Variants in PRKAR1A observed in about 807,000 individuals in gnomAD.
PRKAR1A encodes the protein cAMP-dependent protein kinase type I-alpha regulatory subunit.
A neutral mutation model predicts 52.0 loss-of-function variants in PRKAR1A; 3 were observed. That is an observed-to-expected ratio of 0.06 (90% CI 0.03 to 0.15). The LOEUF (loss-of-function observed/expected upper bound fraction) is 0.15. PRKAR1A is among the 10% of genes least tolerant of loss of function. PRKAR1A has a pLI of 1.00. For synonymous variants in PRKAR1A, 188 were observed against 168.4 expected (o/e 1.12, Z -0.90); for missense variants, 240 against 477.4 (o/e 0.50, Z 4.63).
upstream of PRKAR1A, among the ~76,000 whole-genome samples, chr17:68,508,898 A>G (rs541255534): frequency 1.2e-4 from 18 of 152,146 alleles, 1 homozygote; most frequent in Non-Finnish European, 2.5e-4. Flanking sequence ...GTTTGCTGGA[A>G]TTAGTTATGT....
downstream of PRKAR1A, chr17:68,535,517 G>A: frequency 2.2e-6 from 1 of 454,028 alleles, no homozygotes; most frequent in Non-Finnish European, 4.4e-6. Flanking sequence ...TTCTGTGTGT[G>A]ATCTCCTGGT....
At chr17:68,475,464 T>C in the PRKAR1A span, among the ~76,000 whole-genome samples, 2 of 152,212 alleles carry the variant, frequency 1.3e-5, no homozygotes, top group Non-Finnish European at 1.5e-5. Flanking sequence ...ATTTTGTTTT[T>C]ATTCATTATT....
At position 68,530,393 on chromosome 17, in the gene PRKAR1A, G is replaced by T. The variant is rs751660273; in HGVS notation, c.1090G>T (p.Asp364Tyr). ...RFERVLGPCS[D>Y]ILKRNIQQYN... ...TGAACGTGTTCTTGGCCCATGCTCAGACATCCTCAAACGAAACATCCAGCA... is the reference window on the plus strand; with the variant it reads ...TGAACGTGTTCTTGGCCCATGCTCATACATCCTCAAACGAAACATCCAGCA... Residue 364 changes from aspartate (D) to tyrosine (Y), a missense_variant, in exon 11 of 11, where the codon GAC (aspartate) becomes TAC (tyrosine). By Grantham distance (160) the Asp-to-Tyr change is radical. Transcript: ENST00000589228. 6.2e-7 allele frequency: 1 copy of T among 1,614,114 alleles called. No individual in the cohort carries two copies. The highest frequency in any genetic ancestry group is 8.5e-7 in the Non-Finnish European group (1 of 1,179,986).
chr17:68,430,614 C>T, the PRKAR1A span, among the ~76,000 whole-genome samples: 1 of 152,184 alleles, frequency 6.6e-6, no homozygotes, highest in Non-Finnish European at 1.5e-5. Flanking sequence ...CCGGGCAAGA[C>T]ACTTTGGGTG....
At chr17:68,439,755 G>A in the PRKAR1A span, among the ~76,000 whole-genome samples, 5 of 152,200 alleles carry the variant, frequency 3.3e-5, no homozygotes, top group African/African-American at 4.8e-5. Context: ...AACTCTGGCC[G>A]AGTTATTTGC....
chr17:68,429,099 TG>T, the PRKAR1A span, among the ~76,000 whole-genome samples: 1 of 152,246 alleles, frequency 6.6e-6, no homozygotes, highest in East Asian at 1.9e-4. Context: ...CTTTGCATTC[TG>T]GCCTTGGGAT....
At chr17:68,509,902 G>A (rs1183049523), upstream of PRKAR1A, among the ~76,000 whole-genome samples, 2 of 152,142 alleles carry the variant, frequency 1.3e-5, no homozygotes, top group African/African-American at 4.8e-5. Flanking sequence ...GCAGCTGAAT[G>A]GGGACACACA....
chr17:68,457,480 G>T, the PRKAR1A span: 5 of 1,340,452 alleles, frequency 3.7e-6, no homozygotes, highest in Middle Eastern at 2.8e-4. Context: ...TCAGCAGCCC[G>T]CCCGCGCCGG....
chr17:68,540,763 G>T (rs1262339351), intron 11 of PRKAR1A: 4 of 1,504,226 alleles, frequency 2.7e-6, no homozygotes, highest in Non-Finnish European at 3.6e-6. Context: ...CATGAACCAG[G>T]TTGTAAGTTT....
downstream of PRKAR1A, among the ~76,000 whole-genome samples, chr17:68,534,506 A>T (rs1307152134): frequency 6.7e-6 from 1 of 149,154 alleles, no homozygotes; most frequent in African/African-American, 2.5e-5. Flanking sequence ...GAACAAAGGG[A>T]TGCTCATCTT....
chr17:68,433,778 TTTTTTTTTTTTTTTTTTTTTG>T, the PRKAR1A span, among the ~76,000 whole-genome samples: 1 of 65,752 alleles, frequency 1.5e-5, no homozygotes, highest in African/African-American at 4.7e-5. Flanking sequence ...TTTTTTTTTT[TTTTTTTTTTTTTTTTTTTTTG>T]AGACAGAGTC....
intron 11 of PRKAR1A, among the ~76,000 whole-genome samples, chr17:68,550,238 T>G (rs1375769212): frequency 6.6e-6 from 1 of 152,170 alleles, no homozygotes; most frequent in African/African-American, 2.4e-5. Context: ...ATATACTGTT[T>G]TATATGATGG....
chr17:68,435,530 A>G, the PRKAR1A span: 317 of 1,278,828 alleles, frequency 2.5e-4, no homozygotes, highest in Admixed American at 4.4e-4. Flanking sequence ...GTCAGTCTTC[A>G]TGTCACCAGG....
At chr17:68,537,844 G>A (rs1399929102), downstream of PRKAR1A, 22 of 1,294,920 alleles carry the variant, frequency 1.7e-5, no homozygotes, top group East Asian at 2.3e-4. This position sits in a 1 kb window ranked among gnomAD's most constrained non-coding sequence, Gnocchi z 4.2. Context: ...TACTCTTGGC[G>A]CCTCTCCTTG....
Position 68,523,775 on chromosome 17 carries a change from AAAG to A in PRKAR1A, c.402_404del (p.Lys134del). On this transcript the variant is annotated inframe_deletion, in exon 4 of 11. Coordinates refer to ENST00000589228, the MANE Select transcript of PRKAR1A (RefSeq NM_002734.5). The stretch of plus-strand genomic sequence containing the variant: ...TGGCCGCTTTAGCCAAAGCCATTGA[AAAG>A]AATGTGCTGTTTTCACATCTTGATG... The A allele has an allele frequency of 6.2e-7, 1 of 1,613,864 alleles. No homozygotes were observed. Among genetic ancestry groups the A allele is most frequent in the Non-Finnish European group, 8.5e-7 (1 of 1,179,992 alleles).
the PRKAR1A span, among the ~76,000 whole-genome samples, chr17:68,489,316 GTATATATATATATATATGGAAAGTATATA>G: frequency 6.5e-4 from 17 of 26,150 alleles, no homozygotes; most frequent in African/African-American, 1.3e-3. Context: ...TATATGGAAA[GTATATATATATATATATGGAAAGTATATA>G]TATATATATA....
the PRKAR1A span, among the ~76,000 whole-genome samples, chr17:68,451,866 A>G: frequency 6.6e-6 from 1 of 152,220 alleles, no homozygotes; most frequent in South Asian, 2.1e-4. Context: ...CGGCTTTGGT[A>G]TCTTTCTGAG....
At chr17:68,496,975 C>A in the PRKAR1A span, among the ~76,000 whole-genome samples, 1 of 151,910 alleles carries the variant, frequency 6.6e-6, no homozygotes, top group African/African-American at 2.4e-5. Context: ...AGGCACACAC[C>A]ACCATGTCTG....
At chr17:68,527,691 GTTAAAA>G (rs1217694930) in intron 7 of PRKAR1A, 143 bp from the exon 8 acceptor site, 14 of 642,166 alleles carry the variant, frequency 2.2e-5, no homozygotes, top group Admixed American at 8.5e-5. Context: ...AAATGAATTA[GTTAAAA>G]TTAAACTTTC....
Sources: gnomAD v4.1 joint callset for allele counts (sites outside exome capture counted in the v4.1 genomes callset) on GRCh38, gnomAD v4.1.1 for gene constraint, Gnocchi (gnomAD v3.1) non-coding constraint, MANE v1.5 for transcripts, NCBI Gene and HGNC (gene_info 2026-07-23, HGNC 2026-07-21) for gene names.